WWOX: variants seen among roughly 807,000 people sequenced by gnomAD.
WWOX encodes the protein WW domain-containing oxidoreductase.
Under a neutral mutation model 46.2 loss-of-function variants are expected in WWOX, and 69 were observed. That is an observed-to-expected ratio of 1.49 (90% CI 1.23 to 1.82). The LOEUF is 1.82. Ranked by LOEUF, WWOX falls within the 40% of genes most tolerant of loss-of-function variation. The probability of loss-of-function intolerance (pLI) is 0.00; values close to 1 mark genes in which losing one functional copy is unlikely to be tolerated. For synonymous variants in WWOX, 359 were observed against 202.6 expected (o/e 1.77, Z -6.56); for missense variants, 919 against 542.6 (o/e 1.69, Z -6.89).
chr16:78,473,193 G>A (rs974358115), intron 8 of WWOX, among the ~76,000 whole-genome samples: 2 of 152,136 alleles, frequency 1.3e-5, no homozygotes, highest in East Asian at 3.9e-4. Flanking sequence ...GCAGTGGTGC[G>A]TTCTCTGCTC....
At chr16:78,536,033 A>G (rs1018176097) in intron 8 of WWOX, among the ~76,000 whole-genome samples, 1 of 152,216 alleles carries the variant, frequency 6.6e-6, no homozygotes, top group Admixed American at 6.5e-5. Flanking sequence ...TGTGGGAGCC[A>G]TAATGGAGTT....
chr16:78,363,660 A>C (rs754826059), intron 5 of WWOX, among the ~76,000 whole-genome samples: 4 of 152,130 alleles, frequency 2.6e-5, no homozygotes, highest in African/African-American at 9.7e-5. Context: ...TTCTAAATAT[A>C]CTTGACCACC....
At chr16:78,307,740 C>T (rs1263951946) in intron 5 of WWOX, among the ~76,000 whole-genome samples, 3 of 152,044 alleles carry the variant, frequency 2.0e-5, no homozygotes, top group African/African-American at 7.3e-5. Context: ...AGTAAAGGCA[C>T]CTGCCTCCCA....
In WWOX at chr16:79,211,909, A is replaced by C. The variant is rs2150868783; in HGVS notation, c.*113A>C. 1 of 1,549,600 alleles carries C rather than the reference A, an allele frequency of 6.5e-7. No individual in the cohort carries two copies. Among genetic ancestry groups the C allele is most frequent in the African/African-American group, 1.4e-5 (1 of 73,510 alleles). On this transcript the variant is annotated 3_prime_UTR_variant, in exon 9 of 9. Coordinates refer to ENST00000566780, the MANE Select transcript of WWOX (RefSeq NM_016373.4). Reference sequence around the variant, plus strand: ...CTCCAACACAGATCCGCAAGAGTAAAGGAAATAAGAGCAGTCACAACAGAG... The same window carrying C: ...CTCCAACACAGATCCGCAAGAGTAACGGAAATAAGAGCAGTCACAACAGAG...
chr16:79,077,665 A>C (rs2048683970), intron 8 of WWOX: 1 of 149,472 alleles, frequency 6.7e-6, no homozygotes, highest in African/African-American at 2.5e-5. Context: ...TTCAAACCAC[A>C]GGATTTACAT....
At chr16:78,834,010 CTGAATGAG>C (rs202233689) in intron 8 of WWOX, among the ~76,000 whole-genome samples, 5,193 of 116,884 alleles carry the variant, frequency 0.044, 296 homozygotes, top group African/African-American at 0.14. Flanking sequence ...AACATTTCAG[CTGAATGAG>C]TGAATGAGTG....
intron 5 of WWOX, among the ~76,000 whole-genome samples, chr16:78,186,635 C>T (rs572293268): frequency 1.3e-5 from 2 of 152,176 alleles, no homozygotes; most frequent in African/African-American, 2.4e-5. Flanking sequence ...CGTGGTGGCA[C>T]GTGCCTGTAA....
At chr16:78,425,147 A>G in intron 7 of WWOX, 92 bp downstream of exon 7, 1 of 1,551,084 alleles carries the variant, frequency 6.4e-7, no homozygotes, top group Non-Finnish European at 8.9e-7. Context: ...AATTTTCATT[A>G]GTCCTGCTTG....
chr16:78,292,562 C>T (rs561090648), intron 5 of WWOX, among the ~76,000 whole-genome samples: 4 of 152,088 alleles, frequency 2.6e-5, no homozygotes, highest in African/African-American at 4.8e-5. Flanking sequence ...AAATAAGTAT[C>T]TGTCGGACTT....
At chr16:78,308,453 A>C (rs2080174931) in intron 5 of WWOX, among the ~76,000 whole-genome samples, 1 of 152,188 alleles carries the variant, frequency 6.6e-6, no homozygotes, top group South Asian at 2.1e-4. Flanking sequence ...AAGGCTGACA[A>C]AACAGACTCT....
chr16:78,287,179 A>C (rs1597445881), intron 5 of WWOX, among the ~76,000 whole-genome samples: 1 of 152,366 alleles, frequency 6.6e-6, no homozygotes, highest in East Asian at 1.9e-4. Context: ...AATAAAATAC[A>C]TTTCTCCACT....
intron 5 of WWOX, among the ~76,000 whole-genome samples, chr16:78,324,176 C>G (rs905094249): frequency 6.6e-6 from 1 of 152,020 alleles, no homozygotes; most frequent in Non-Finnish European, 1.5e-5. Context: ...TGCTGCTTTC[C>G]TCAAGGCAAG....
chr16:79,048,454 G>A (rs368178524), intron 8 of WWOX, among the ~76,000 whole-genome samples: 20 of 152,108 alleles, frequency 1.3e-4, no homozygotes, highest in East Asian at 1.2e-3. Context: ...CAGAGTTCAC[G>A]TGTGTCTATT....
chr16:78,739,390 A>G (rs1039382274), intron 8 of WWOX, among the ~76,000 whole-genome samples: 1 of 152,160 alleles, frequency 6.6e-6, no homozygotes, highest in Non-Finnish European at 1.5e-5. Context: ...GGCACCCAAC[A>G]GTGATTGGAT....
rs1017694554 is a variant in WWOX at position 79,140,846 on chromosome 16, T to G, written c.1057-70762T>G. Among the ~76,000 whole-genome samples the G allele has an allele frequency of 1.2e-4, 19 of 152,322 alleles. No individual in the cohort carries two copies. In the East Asian group the frequency reaches 3.3e-3, roughly 26 times the overall value. ...GGGATCCGGAGAGTCTTCTTGTCAC[T>G]CAAACAGTTTCCGTACGTCAGTTTC... On this transcript the variant is annotated intron_variant, in intron 8 of 8. Transcript: ENST00000566780.
At chr16:78,584,755 C>T (rs1021676117) in intron 8 of WWOX, among the ~76,000 whole-genome samples, 2 of 152,130 alleles carry the variant, frequency 1.3e-5, no homozygotes, top group East Asian at 1.9e-4. Flanking sequence ...CAGGAAGGAG[C>T]CTTGTGGTAT....
At chr16:78,146,199 A>C (rs1002864807) in intron 4 of WWOX, among the ~76,000 whole-genome samples, 17 of 152,136 alleles carry the variant, frequency 1.1e-4, no homozygotes, top group Admixed American at 1.1e-3. Context: ...CTTGCCTCCC[A>C]AGTGCTTAGG....
At chr16:78,830,083 T>C (rs373250881) in intron 8 of WWOX, among the ~76,000 whole-genome samples, 2 of 151,524 alleles carry the variant, frequency 1.3e-5, no homozygotes, top group South Asian at 2.1e-4. Flanking sequence ...CATAGTAACA[T>C]AGGGAGACCC....
chr16:78,406,303 AATATATATATATATAT>A (rs532594425), intron 6 of WWOX, among the ~76,000 whole-genome samples: 710 of 57,862 alleles, frequency 0.012, 6 homozygotes, highest in Middle Eastern at 0.062. Context: ...TATAAATATA[AATATATATATATATAT>A]ATATATATAT....
Sources: allele counts gnomAD v4.1 joint callset (sites outside exome capture counted in the v4.1 genomes callset), GRCh38; gene constraint gnomAD v4.1.1; transcripts MANE v1.5; gene names NCBI Gene and HGNC (gene_info 2026-07-23, HGNC 2026-07-21).